The following FIP1L1 variants were observed in gnomAD, a reference collection of about 807,000 sequenced individuals.
The protein encoded by FIP1L1 is factor interacting with PAPOLA and CPSF1, also known as pre-mRNA 3'-end-processing factor FIP1.
Under a neutral mutation model 84.6 loss-of-function variants are expected in FIP1L1, and 21 were observed. The observed-to-expected ratio is 0.25, with a 90% CI of 0.18 to 0.36. FIP1L1 has a LOEUF of 0.36. Ranked by LOEUF, FIP1L1 falls within the 10% of genes least tolerant of loss-of-function variation. The probability of loss-of-function intolerance (pLI) is 1.00; values close to 1 mark genes in which losing one functional copy is unlikely to be tolerated. For missense variants in FIP1L1, 526 were observed against 751.1 expected (o/e 0.70, Z 3.50); for synonymous variants, 263 against 242.3 (o/e 1.09, Z -0.80).
chr4:53,382,200 C>T (rs1023686965), intron 3 of FIP1L1, 78 bp from the exon 4 acceptor site: 1 of 1,002,266 alleles, frequency 1.0e-6, no homozygotes, highest in Non-Finnish European at 1.5e-6. Context: ...TTTATTAAAG[C>T]TTAGAAATAC....
chr4:53,404,331 G>A (rs566423846), intron 10 of FIP1L1, among the ~76,000 whole-genome samples: 128 of 151,858 alleles, frequency 8.4e-4, no homozygotes, highest in African/African-American at 3.1e-3. Context: ...CCCTGCAAAG[G>A]ACATGAACTC....
chr4:53,389,065 A>T (rs1171512919), intron 5 of FIP1L1, among the ~76,000 whole-genome samples: 1 of 152,212 alleles, frequency 6.6e-6, no homozygotes, highest in African/African-American at 2.4e-5. Context: ...TATGAAACAT[A>T]ATTGGCATCC....
At chr4:53,445,593 T>A (rs1479000763) in intron 15 of FIP1L1, among the ~76,000 whole-genome samples, 1 of 152,176 alleles carries the variant, frequency 6.6e-6, no homozygotes, top group African/African-American at 2.4e-5. Flanking sequence ...GAAAAGGGCC[T>A]TGAGTCTTCA....
chr4:53,378,540 C>T (rs1449851064), intron 1 of FIP1L1: 1 of 152,516 alleles, frequency 6.6e-6, no homozygotes, highest in Non-Finnish European at 1.5e-5. Flanking sequence ...TGAAGTTATT[C>T]TTTTTTAAGA....
intron 5 of FIP1L1, among the ~76,000 whole-genome samples, chr4:53,389,457 T>G (rs1230296546): frequency 2.2e-4 from 2 of 8,994 alleles, no homozygotes; most frequent in Non-Finnish European, 0.013. Context: ...AAGTCAGGCT[T>G]TTTTTTTTTA....
intron 1 of FIP1L1, 102 bp downstream of exon 1, chr4:53,378,025 T>G (rs1735503396): frequency 9.2e-7 from 1 of 1,081,342 alleles, no homozygotes; most frequent in Admixed American, 3.0e-5. Flanking sequence ...GCTTCGGGCC[T>G]CTGGTTGGGA....
chr4:53,402,293 G>A (rs941100261), intron 10 of FIP1L1, among the ~76,000 whole-genome samples: 1 of 152,136 alleles, frequency 6.6e-6, no homozygotes, highest in Admixed American at 6.5e-5. Context: ...ATTAGAAAGA[G>A]AAAATATGGG....
chr4:53,458,671 A>G lies in FIP1L1; in HGVS notation c.1518A>G (p.Arg506=). 3.1e-6 allele frequency: 5 copies of G among 1,612,724 alleles called. No homozygotes were observed. The highest frequency in any genetic ancestry group is 4.2e-6 in the Non-Finnish European group (5 of 1,179,180). The part of the protein sequence containing the change: ...SVFNSDEERY[R]YREYAERGYE... ...ATTTCAGCGATGAAGAACGATACAG[A>G]TACAGGGAATATGCAGAAAGAGGTT... Residue 506 remains arginine (R), a synonymous_variant, in exon 17 of 18, where the codon AGA becomes AGG. Coordinates refer to ENST00000337488, the MANE Select transcript of FIP1L1 (RefSeq NM_030917.4).
intron 9 of FIP1L1, among the ~76,000 whole-genome samples, chr4:53,395,313 T>C (rs1746632457): frequency 6.6e-6 from 1 of 152,106 alleles, no homozygotes; most frequent in African/African-American, 2.4e-5. Context: ...ACGGGCAATT[T>C]TTGTGTGTTT....
intron 16 of FIP1L1, among the ~76,000 whole-genome samples, chr4:53,453,724 C>T (rs1378986749): frequency 6.6e-6 from 1 of 152,158 alleles, no homozygotes; most frequent in African/African-American, 2.4e-5. Context: ...CCTAGCCTCT[C>T]AAGTAGCTAA....
chr4:53,418,191 A>G (rs1482237105), intron 11 of FIP1L1, among the ~76,000 whole-genome samples: 1 of 152,142 alleles, frequency 6.6e-6, no homozygotes, highest in Non-Finnish European at 1.5e-5. Flanking sequence ...TGGGAGGCTG[A>G]GGTGGGTGGA....
intron 9 of FIP1L1, among the ~76,000 whole-genome samples, chr4:53,395,175 A>G (rs1212293893): frequency 6.6e-6 from 1 of 152,234 alleles, no homozygotes; most frequent in African/African-American, 2.4e-5. Context: ...TGAGTGTAAC[A>G]TCTGAAGACA....
chr4:53,421,466 T>TCCCA (rs1762395273), intron 11 of FIP1L1, among the ~76,000 whole-genome samples: 1 of 152,220 alleles, frequency 6.6e-6, no homozygotes, highest in African/African-American at 2.4e-5. Context: ...CTACATGTCT[T>TCCCA]TTAAGGCTCA....
chr4:53,430,991 T>C (rs1186539261), intron 13 of FIP1L1, among the ~76,000 whole-genome samples: 1 of 152,204 alleles, frequency 6.6e-6, no homozygotes, highest in Non-Finnish European at 1.5e-5. Context: ...TTACTTTTAG[T>C]AGAATGTGAG....
At chr4:53,413,057 TA>T (rs2149735265) in intron 10 of FIP1L1, among the ~76,000 whole-genome samples, 1 of 152,294 alleles carries the variant, frequency 6.6e-6, no homozygotes, top group Admixed American at 6.5e-5. Context: ...ACATGGTGTT[TA>T]AACCGTATGT....
At chr4:53,386,288 A>AT (rs1352325347) in intron 5 of FIP1L1, among the ~76,000 whole-genome samples, 5 of 152,032 alleles carry the variant, frequency 3.3e-5, no homozygotes, top group Non-Finnish European at 5.9e-5. Context: ...CATTATTATT[A>AT]TTGTTTTTAC....
At chr4:53,428,256 T>A in intron 13 of FIP1L1, 73 bp downstream of exon 13, 1 of 1,383,752 alleles carries the variant, frequency 7.2e-7, no homozygotes, top group Non-Finnish European at 9.7e-7. Flanking sequence ...TTTTGACAAT[T>A]AAAATAATAT....
At position 53,437,326 on chromosome 4, in the gene FIP1L1, C is replaced by CAAAAAAAA. The variant is rs55957570; in HGVS notation, c.1175-5307_1175-5300dup. Among the ~76,000 whole-genome samples, 27 of 64,506 alleles carry CAAAAAAAA rather than the reference C, an allele frequency of 4.2e-4. 2 individuals are homozygous for CAAAAAAAA. Among genetic ancestry groups the CAAAAAAAA allele is most frequent in the African/African-American group, 1.1e-3 (21 of 18,462 alleles). The allele number at this position is 64,506 out of a possible 152,430, so 42.3% of individuals were successfully genotyped here. A position where few individuals can be genotyped will look rare whatever the true frequency, so the allele number is the denominator to read the frequency against. On this transcript the variant is annotated intron_variant, in intron 13 of 17. Coordinates refer to ENST00000337488, the MANE Select transcript of FIP1L1 (RefSeq NM_030917.4). ...CAACAGTGTGAGACCCTGTCTCAACCAAAAAAAAAAAAAAAAAAAAAAAAA... is the reference window on the plus strand; with the variant it reads ...CAACAGTGTGAGACCCTGTCTCAACCAAAAAAAAAAAAAAAAAAAAAAAAAAAAAAAAA...
intron 3 of FIP1L1, among the ~76,000 whole-genome samples, chr4:53,380,688 G>A (rs1028507410): frequency 1.3e-5 from 2 of 152,052 alleles, no homozygotes; most frequent in African/African-American, 4.8e-5. Flanking sequence ...TTCACTCATT[G>A]GTATATTATC....
Sources: gnomAD v4.1 joint callset for allele counts (sites outside exome capture counted in the v4.1 genomes callset) on GRCh38, gnomAD v4.1.1 for gene constraint, MANE v1.5 for transcripts, NCBI Gene and HGNC (gene_info 2026-07-23, HGNC 2026-07-21) for gene names.